Variants in LMBRD1 observed in about 807,000 individuals in gnomAD.
LMBRD1 encodes the protein LMBR1 domain containing 1, also known as lysosomal cobalamin transport escort protein LMBD1.
A neutral mutation model predicts 74.8 loss-of-function variants in LMBRD1; 64 were observed. The ratio of observed to expected loss-of-function variants is 0.86; its 90% CI spans 0.70 to 1.05. LMBRD1 has a LOEUF of 1.05. Among genes scored for constraint, LMBRD1 ranks in the 50% least tolerant of loss-of-function variants. The probability of loss-of-function intolerance (pLI) is 0.00; values close to 1 mark genes in which losing one functional copy is unlikely to be tolerated. For missense variants in LMBRD1, 652 were observed against 645.9 expected (o/e 1.01, Z -0.10); for synonymous variants, 204 against 216.3 (o/e 0.94, Z 0.50).
intron 7 of LMBRD1, among the ~76,000 whole-genome samples, chr6:69,724,348 T>TA (rs60541159): frequency 0.087 from 10,602 of 122,020 alleles, 533 homozygotes; most frequent in Middle Eastern, 0.27. Context: ...AAGACACATT[T>TA]AAAAAAAAAA....
At chr6:69,688,288 T>C (rs1765807839) in intron 14 of LMBRD1, among the ~76,000 whole-genome samples, 1 of 152,126 alleles carries the variant, frequency 6.6e-6, no homozygotes, top group Non-Finnish European at 1.5e-5. Context: ...ACTAGTGTAG[T>C]AATTCTTTTA....
At position 69,796,953 on chromosome 6, in the gene LMBRD1, G is replaced by T; in HGVS notation, c.-72C>A. 7.7e-7 allele frequency: 1 copy of T among 1,294,420 alleles called. No homozygotes were observed. The highest frequency in any genetic ancestry group is 1.1e-6 in the Non-Finnish European group (1 of 906,052). The allele number at this position is 1,294,420 out of a possible 1,614,324, so 80.2% of individuals were successfully genotyped here. On this transcript the variant is annotated 5_prime_UTR_variant, in exon 1 of 16. Transcript: ENST00000649934. ...GGGAGGGGGAAAGGGGAGAGAGCGC[G>T]AGATATACTGCACCCGCGCACCCTA...
chr6:69,699,279 A>ATAGT, intron 12 of LMBRD1, 87 bp from the exon 13 acceptor site: 1 of 1,169,922 alleles, frequency 8.5e-7, no homozygotes. Flanking sequence ...GAAATGATTT[A>ATAGT]CACAGTTCAA....
At chr6:69,687,420 G>C (rs1317110202) in intron 14 of LMBRD1, among the ~76,000 whole-genome samples, 1 of 152,178 alleles carries the variant, frequency 6.6e-6, no homozygotes, top group African/African-American at 2.4e-5. Context: ...AGGGATACTA[G>C]AGTGTTTTGT....
intron 7 of LMBRD1, among the ~76,000 whole-genome samples, chr6:69,725,964 G>A (rs928321714): frequency 1.2e-4 from 19 of 152,110 alleles, no homozygotes; most frequent in African/African-American, 4.1e-4. Context: ...CAGAATGGGA[G>A]AAAATATTTG....
chr6:69,720,471 A>G (rs1012353814), intron 7 of LMBRD1, among the ~76,000 whole-genome samples: 3 of 152,240 alleles, frequency 2.0e-5, no homozygotes, highest in African/African-American at 7.2e-5. Context: ...TTTGGATACC[A>G]TACACTTTAA....
intron 7 of LMBRD1, among the ~76,000 whole-genome samples, chr6:69,727,095 G>T (rs939625090): frequency 3.9e-5 from 6 of 152,098 alleles, no homozygotes; most frequent in Non-Finnish European, 5.9e-5. Flanking sequence ...GGTAGTGGAG[G>T]TTGCAGGGAG....
At chr6:69,784,243 G>T (rs1423100696) in intron 2 of LMBRD1, among the ~76,000 whole-genome samples, 2 of 152,164 alleles carry the variant, frequency 1.3e-5, no homozygotes, top group African/African-American at 4.8e-5. Flanking sequence ...AGACAATCAA[G>T]AACTAAATAA....
intron 9 of LMBRD1, among the ~76,000 whole-genome samples, chr6:69,707,191 G>C (rs1766277856): frequency 6.6e-6 from 1 of 152,088 alleles, no homozygotes; most frequent in Admixed American, 6.6e-5. Flanking sequence ...ACCAGTCATG[G>C]CAAGTCAGGT....
At chr6:69,776,316 T>C (rs1329134691) in intron 3 of LMBRD1, among the ~76,000 whole-genome samples, 1 of 152,218 alleles carries the variant, frequency 6.6e-6, no homozygotes, top group Non-Finnish European at 1.5e-5. Context: ...TTGAGGAAGA[T>C]GACTAAAACT....
chr6:69,681,274 ACCACCATT>A (rs1003062965), intron 14 of LMBRD1, among the ~76,000 whole-genome samples: 1 of 151,966 alleles, frequency 6.6e-6, no homozygotes, highest in African/African-American at 2.4e-5. Flanking sequence ...TCCTGCTACT[ACCACCATT>A]CCTTCATCTC....
At chr6:69,681,574 A>G (rs1340096826) in intron 14 of LMBRD1, among the ~76,000 whole-genome samples, 1 of 151,838 alleles carries the variant, frequency 6.6e-6, no homozygotes, top group Non-Finnish European at 1.5e-5. Context: ...TCAATTTATA[A>G]TTAATTACTC....
intron 4 of LMBRD1, 134 bp downstream of exon 4, chr6:69,752,125 A>C: frequency 1.3e-6 from 1 of 787,448 alleles, no homozygotes; most frequent in African/African-American, 1.8e-5. Context: ...GTTTCTTTTT[A>C]TTTTAATTTA....
At chr6:69,720,971 C>T (rs767633587) in intron 7 of LMBRD1, among the ~76,000 whole-genome samples, 5 of 152,196 alleles carry the variant, frequency 3.3e-5, no homozygotes, top group Non-Finnish European at 7.3e-5. Context: ...TTACACTGAA[C>T]TCAGTGCTGT....
At chr6:69,796,673 T>G in intron 1 of LMBRD1, 140 bp downstream of exon 1, 1 of 568,874 alleles carries the variant, frequency 1.8e-6, no homozygotes, top group Non-Finnish European at 3.2e-6. Flanking sequence ...CCCCCAACAC[T>G]AAGGAGCCCT....
At chr6:69,700,995 ATTAGGC>A in intron 11 of LMBRD1, 126 bp from the exon 12 acceptor site, 3 of 676,054 alleles carry the variant, frequency 4.4e-6, no homozygotes, top group Middle Eastern at 4.8e-4. Context: ...CTTGATTTAG[ATTAGGC>A]TACTGTGCTT....
intron 3 of LMBRD1, among the ~76,000 whole-genome samples, chr6:69,774,485 C>A (rs942653611): frequency 6.6e-6 from 1 of 152,170 alleles, no homozygotes; most frequent in Admixed American, 6.5e-5. Flanking sequence ...TTCATTTACC[C>A]CCGCCTTTCA....
intron 14 of LMBRD1, among the ~76,000 whole-genome samples, chr6:69,683,732 C>T (rs931289733): frequency 2.6e-5 from 4 of 151,236 alleles, no homozygotes; most frequent in African/African-American, 9.8e-5. Context: ...TCTTATCCTT[C>T]TCAGGACCTC....
intron 3 of LMBRD1, among the ~76,000 whole-genome samples, chr6:69,769,632 G>C (rs902669497): frequency 2.0e-5 from 3 of 151,892 alleles, no homozygotes; most frequent in Non-Finnish European, 4.4e-5. Context: ...CCTGAAGGTT[G>C]CCTCTTTAAT....
Sources: gnomAD v4.1 joint callset for allele counts (sites outside exome capture counted in the v4.1 genomes callset) on GRCh38, gnomAD v4.1.1 for gene constraint, MANE v1.5 for transcripts, NCBI Gene and HGNC (gene_info 2026-07-23, HGNC 2026-07-21) for gene names.